MGLL: variants seen among roughly 807,000 people sequenced by gnomAD.
MGLL encodes monoglyceride lipase.
A neutral mutation model predicts 29.1 loss-of-function variants in MGLL; 7 were observed. That is an observed-to-expected ratio of 0.24 (90% CI 0.14 to 0.45). MGLL has a LOEUF of 0.45. Ranked by LOEUF, MGLL falls within the 20% of genes least tolerant of loss-of-function variation. The pLI is 0.99. For missense variants in MGLL, 356 were observed against 413.6 expected (o/e 0.86, Z 1.21); for synonymous variants, 148 against 168.3 (o/e 0.88, Z 0.93).
chr3:127,734,494 C>G (rs2076209420), intron 3 of MGLL, among the ~76,000 whole-genome samples: 1 of 152,196 alleles, frequency 6.6e-6, no homozygotes, highest in South Asian at 2.1e-4. Context: ...ACAGACATTT[C>G]TCCTCATTTC....
In MGLL at chr3:127,775,813, T is replaced by C. The variant is rs548336194; in HGVS notation, c.262+5976A>G. Among the ~76,000 whole-genome samples the C allele has an allele frequency of 8.0e-4, 122 of 152,314 alleles. 1 individual carries two copies. The highest frequency in any genetic ancestry group is 3.4e-3 in the Middle Eastern group (1 of 294). ...CCAGCAGGACTGCAGGGAGCAGGCC[T>C]GCGGGCAAATGGGCCTCAGATTCCC... On this transcript the variant is annotated intron_variant, in intron 3 of 7. Coordinates refer to ENST00000265052, the MANE Select transcript of MGLL (RefSeq NM_007283.7).
chr3:127,811,336 C>T (rs946281963), intron 2 of MGLL, among the ~76,000 whole-genome samples: 1 of 152,174 alleles, frequency 6.6e-6, no homozygotes, highest in South Asian at 2.1e-4. Context: ...CCTGGAGAAG[C>T]TCATAGGTTG....
At chr3:127,750,356 G>A (rs899665633) in intron 3 of MGLL, among the ~76,000 whole-genome samples, 1 of 152,208 alleles carries the variant, frequency 6.6e-6, no homozygotes, top group African/African-American at 2.4e-5. Context: ...GCCTCGGGCA[G>A]GCCACGTGCC....
intron 3 of MGLL, among the ~76,000 whole-genome samples, chr3:127,737,316 C>T (rs1334885793): frequency 1.3e-5 from 2 of 151,874 alleles, no homozygotes; most frequent in African/African-American, 4.8e-5. Context: ...GAGGTCACCT[C>T]TGTGTGACCT....
At chr3:127,700,841 T>C (rs1370692017) in intron 6 of MGLL, among the ~76,000 whole-genome samples, 1 of 152,226 alleles carries the variant, frequency 6.6e-6, no homozygotes, top group Non-Finnish European at 1.5e-5. Context: ...GATAGCTTGC[T>C]TTTGGAGCCG....
chr3:127,730,900 A>G (rs923053148), intron 3 of MGLL, among the ~76,000 whole-genome samples: 1 of 152,170 alleles, frequency 6.6e-6, no homozygotes, highest in African/African-American at 2.4e-5. Flanking sequence ...GCATGTGCCC[A>G]TGTCTGCCAG....
intron 2 of MGLL, among the ~76,000 whole-genome samples, chr3:127,821,441 T>C (rs1009699847): frequency 2.6e-5 from 4 of 152,222 alleles, no homozygotes; most frequent in African/African-American, 9.7e-5. Flanking sequence ...ATGTGGAATT[T>C]TTGAAAATTG....
chr3:127,690,034 G>A lies in MGLL; in HGVS notation c.*2164C>T, dbSNP rs994035221. On this transcript the variant is annotated 3_prime_UTR_variant, in exon 8 of 8. Coordinates refer to ENST00000265052, the MANE Select transcript of MGLL (RefSeq NM_007283.7). Reference sequence around the variant, plus strand: ...TAAAGAGTCCCTGGTCAGGCCGCATGCTGATATTCAATTTGGGGAATGGTG... The same window carrying A: ...TAAAGAGTCCCTGGTCAGGCCGCATACTGATATTCAATTTGGGGAATGGTG... 2.0e-5 allele frequency: 3 copies of A among 152,214 alleles called. No homozygotes were observed. The highest frequency in any genetic ancestry group is 7.2e-5 in the African/African-American group (3 of 41,440). 9.4% of individuals were successfully genotyped at this position (152,214 alleles called of 1,614,324 possible).
At chr3:127,713,991 G>T (rs3821582) in intron 5 of MGLL, 12,063 of 151,904 alleles carry the variant, frequency 0.079, 735 homozygotes, top group African/African-American at 0.17. Flanking sequence ...ATTACAGCAA[G>T]CCCTATTCTG....
At chr3:127,802,665 T>A (rs2077497769) in intron 2 of MGLL, among the ~76,000 whole-genome samples, 1 of 152,252 alleles carries the variant, frequency 6.6e-6, no homozygotes, top group Non-Finnish European at 1.5e-5. Flanking sequence ...GCCAAGAGAT[T>A]AAGAACCTTT....
At chr3:127,724,224 TC>T (rs1361681133) in intron 3 of MGLL, among the ~76,000 whole-genome samples, 2 of 152,092 alleles carry the variant, frequency 1.3e-5, no homozygotes, top group South Asian at 4.1e-4. Flanking sequence ...TACTCTCTCT[TC>T]CCCCACACCC....
At chr3:127,790,512 A>G (rs2077281972) in intron 2 of MGLL, among the ~76,000 whole-genome samples, 1 of 152,170 alleles carries the variant, frequency 6.6e-6, no homozygotes, top group Admixed American at 6.5e-5. Flanking sequence ...CTGTGACCTC[A>G]TGGCAGCAGG....
chr3:127,799,119 G>T (rs2077434024), intron 2 of MGLL, among the ~76,000 whole-genome samples: 1 of 152,180 alleles, frequency 6.6e-6, no homozygotes, highest in Non-Finnish European at 1.5e-5. Flanking sequence ...AACATGTAAT[G>T]CAAATTGCCA....
At chr3:127,701,716 A>C (rs2075492463) in intron 6 of MGLL, among the ~76,000 whole-genome samples, 1 of 151,998 alleles carries the variant, frequency 6.6e-6, no homozygotes, top group Non-Finnish European at 1.5e-5. Flanking sequence ...CCCTTCCTGC[A>C]GGCAGCCTTC....
chr3:127,729,993 C>T (rs2076119535), intron 3 of MGLL, among the ~76,000 whole-genome samples: 2 of 152,234 alleles, frequency 1.3e-5, no homozygotes, highest in Admixed American at 6.5e-5. Context: ...CACAGCTCCT[C>T]AGATTGCTTG....
At chr3:127,805,837 A>G (rs2077555736) in intron 2 of MGLL, among the ~76,000 whole-genome samples, 2 of 152,254 alleles carry the variant, frequency 1.3e-5, no homozygotes, top group Admixed American at 6.5e-5. Context: ...CCAGAGAAGT[A>G]TCTAGCAACG....
intron 2 of MGLL, among the ~76,000 whole-genome samples, chr3:127,801,525 A>G (rs1470445756): frequency 6.6e-6 from 1 of 151,228 alleles, no homozygotes; most frequent in Admixed American, 6.6e-5. Flanking sequence ...CTGAGGCAGG[A>G]GAATCACTTG....
At chr3:127,758,910 T>TC (rs1206430534) in intron 3 of MGLL, among the ~76,000 whole-genome samples, 2 of 140,734 alleles carry the variant, frequency 1.4e-5, no homozygotes. Flanking sequence ...TTTTCTTTTT[T>TC]TTTTCTTTTC....
At chr3:127,723,086 G>T (rs969512883) in intron 3 of MGLL, among the ~76,000 whole-genome samples, 1 of 152,206 alleles carries the variant, frequency 6.6e-6, no homozygotes, top group African/African-American at 2.4e-5. Flanking sequence ...TAGTCATCGG[G>T]TGTGCTTGCC....
Sources: allele counts gnomAD v4.1 joint callset (sites outside exome capture counted in the v4.1 genomes callset), GRCh38; gene constraint gnomAD v4.1.1; transcripts MANE v1.5; gene names NCBI Gene and HGNC (gene_info 2026-07-23, HGNC 2026-07-21).